AXDND1: variants seen among roughly 807,000 people sequenced by gnomAD.
AXDND1 encodes the protein axonemal dynein light chain domain-containing protein 1.
AXDND1 carries 110 observed loss-of-function variants against 137.5 expected under a neutral mutation model. That is an observed-to-expected ratio of 0.80 (90% CI 0.69 to 0.94). AXDND1 has a LOEUF of 0.94. AXDND1 is among the 40% of genes least tolerant of loss of function. The pLI is 0.00. For synonymous variants in AXDND1, 414 were observed against 399.7 expected (o/e 1.04, Z -0.43); for missense variants, 1,191 against 1,169.8 (o/e 1.02, Z -0.26).
intron 18 of AXDND1, among the ~76,000 whole-genome samples, chr1:179,489,995 C>T (rs1289137981): frequency 1.3e-5 from 2 of 152,118 alleles, no homozygotes; most frequent in African/African-American, 4.8e-5. Context: ...CCACCTGCCT[C>T]GGTCTCCCAA....
At chr1:179,542,949 C>G (rs953928433) in intron 25 of AXDND1, among the ~76,000 whole-genome samples, 1 of 152,172 alleles carries the variant, frequency 6.6e-6, no homozygotes, top group African/African-American at 2.4e-5. Context: ...ACGGCAGTCC[C>G]TGTGCCCTGC....
At chr1:179,396,535 C>T (rs1651096499) in intron 11 of AXDND1, among the ~76,000 whole-genome samples, 1 of 151,758 alleles carries the variant, frequency 6.6e-6, no homozygotes, top group African/African-American at 2.4e-5. Context: ...GTAGTCCCAG[C>T]TACTTGGGAG....
intron 15 of AXDND1, among the ~76,000 whole-genome samples, chr1:179,436,429 A>G (rs2125331633): frequency 6.6e-6 from 1 of 152,282 alleles, no homozygotes; most frequent in South Asian, 2.1e-4. Context: ...CAGCAAAGAC[A>G]TGGAACCAAC....
chr1:179,552,845 A>T, intron 25 of AXDND1: 1 of 679,878 alleles, frequency 1.5e-6, no homozygotes, highest in East Asian at 2.7e-5. Flanking sequence ...AAGTAGGCAG[A>T]TCTCCAAGGT....
chr1:179,381,943 ATTTTTTTTT>A (rs71111920), intron 6 of AXDND1, among the ~76,000 whole-genome samples: 2 of 105,434 alleles, frequency 1.9e-5, no homozygotes, highest in East Asian at 2.9e-4. Flanking sequence ...ACCACACCTA[ATTTTTTTTT>A]TTTTTTTTTT....
chr1:179,471,412 A>C (rs944022762), intron 17 of AXDND1, among the ~76,000 whole-genome samples: 1 of 152,078 alleles, frequency 6.6e-6, no homozygotes, highest in Admixed American at 6.5e-5. Flanking sequence ...TATATTGTCT[A>C]TTTCTTATTG....
chr1:179,533,671 A>G (rs1671244479), intron 23 of AXDND1, 124 bp from the exon 24 acceptor site: 1 of 554,660 alleles, frequency 1.8e-6, no homozygotes, highest in Non-Finnish European at 3.1e-6. Flanking sequence ...TTAACCATCT[A>G]TTAGATAGAT....
intron 12 of AXDND1, among the ~76,000 whole-genome samples, chr1:179,423,621 G>A (rs756047933): frequency 2.6e-5 from 4 of 151,650 alleles, no homozygotes; most frequent in Non-Finnish European, 4.4e-5. Flanking sequence ...TGGTTACCAT[G>A]AAGCTTACAA....
At chr1:179,513,825 T>A (rs1291329199) in intron 21 of AXDND1, among the ~76,000 whole-genome samples, 1 of 149,560 alleles carries the variant, frequency 6.7e-6, no homozygotes, top group African/African-American at 2.4e-5. Flanking sequence ...TATCCATCTC[T>A]TCTAGGTTTT....
At chr1:179,369,427 A>T (rs1257900103) in intron 3 of AXDND1, among the ~76,000 whole-genome samples, 1 of 152,128 alleles carries the variant, frequency 6.6e-6, no homozygotes, top group Non-Finnish European at 1.5e-5. Flanking sequence ...AGGCTGAGGC[A>T]GGCAGATCAC....
chr1:179,530,535 A>G (rs1052372651), intron 23 of AXDND1, among the ~76,000 whole-genome samples: 4 of 152,166 alleles, frequency 2.6e-5, no homozygotes, highest in Non-Finnish European at 5.9e-5. Flanking sequence ...CAGGAGTATC[A>G]CATGTCTTTG....
intron 23 of AXDND1, chr1:179,533,184 G>A (rs1026695364): frequency 2.6e-5 from 4 of 152,122 alleles, no homozygotes; most frequent in Non-Finnish European, 5.9e-5. Flanking sequence ...CTGGGAAAAT[G>A]TTAATATTCA....
At chr1:179,374,171 A>G (rs1486343789) in intron 4 of AXDND1, among the ~76,000 whole-genome samples, 1 of 152,252 alleles carries the variant, frequency 6.6e-6, no homozygotes, top group Non-Finnish European at 1.5e-5. Context: ...AAAGGATACA[A>G]ACAGACACTT....
At chr1:179,526,869 C>T (rs758896650) in intron 22 of AXDND1, among the ~76,000 whole-genome samples, 16 of 152,166 alleles carry the variant, frequency 1.1e-4, no homozygotes, top group Non-Finnish European at 2.1e-4. Context: ...ATTGGACACT[C>T]TTAGTCACAA....
intron 16 of AXDND1, among the ~76,000 whole-genome samples, chr1:179,462,477 T>C (rs952060963): frequency 6.8e-6 from 1 of 146,140 alleles, no homozygotes; most frequent in Non-Finnish European, 1.5e-5. Flanking sequence ...TTTGCATCGA[T>C]GTTATCAGGG....
intron 20 of AXDND1, chr1:179,507,007 G>A: frequency 3.2e-6 from 2 of 619,534 alleles, no homozygotes; most frequent in Non-Finnish European, 4.0e-6. Flanking sequence ...TATAGCCAGT[G>A]TCTTACTGCT....
intron 13 of AXDND1, 30 bp downstream of exon 13, chr1:179,429,649 A>G: frequency 2.9e-6 from 4 of 1,365,966 alleles, no homozygotes; most frequent in Admixed American, 2.6e-5. Context: ...AGTTATGGGA[A>G]AAAAAGATGC....
intron 20 of AXDND1, among the ~76,000 whole-genome samples, chr1:179,494,107 A>G (rs988629491): frequency 1.3e-5 from 2 of 151,998 alleles, no homozygotes; most frequent in African/African-American, 4.8e-5. Flanking sequence ...GTGCACCACT[A>G]TGCCGGGCTA....
chr1:179,404,721 T>A (rs1012135022), intron 11 of AXDND1, among the ~76,000 whole-genome samples: 5 of 152,174 alleles, frequency 3.3e-5, no homozygotes, highest in African/African-American at 1.2e-4. Flanking sequence ...TTTTCTTTTT[T>A]GTTGTTGTGT....
Sources: allele counts gnomAD v4.1 joint callset (sites outside exome capture counted in the v4.1 genomes callset), GRCh38; gene constraint gnomAD v4.1.1; transcripts MANE v1.5; gene names NCBI Gene and HGNC (gene_info 2026-07-23, HGNC 2026-07-21).